Variants in KAZN observed in about 807,000 individuals in gnomAD.
KAZN encodes the protein kazrin, periplakin interacting protein.
A neutral mutation model predicts 87.4 loss-of-function variants in KAZN; 40 were observed. The ratio of observed to expected loss-of-function variants is 0.46; its 90% CI spans 0.36 to 0.60. The LOEUF (loss-of-function observed/expected upper bound fraction) is 0.60. Among genes scored for constraint, KAZN ranks in the 20% least tolerant of loss-of-function variants. The pLI is 0.00. For missense variants in KAZN, 898 were observed against 1,073.9 expected, an observed-to-expected ratio of 0.84 and a Z score of 2.29; for synonymous variants, 466 against 458.3, an observed-to-expected ratio of 1.02 and a Z score of -0.22.
chr1:13,923,026 A>T (rs1570286078), intron 1 of KAZN, among the ~76,000 whole-genome samples: 1 of 152,148 alleles, frequency 6.6e-6, no homozygotes, highest in South Asian at 2.1e-4. Context: ...GGGAAAAGTC[A>T]AGCTGGAACA....
At chr1:14,943,007 GGTGTGTGTGTGT>G (rs58102946) in intron 1 of KAZN, among the ~76,000 whole-genome samples, 1,610 of 100,840 alleles carry the variant, frequency 0.016, 22 homozygotes, top group Non-Finnish European at 0.02. Flanking sequence ...GTGTGTGTGT[GGTGTGTGTGTGT>G]GTGTGTGTGT....
intron 1 of KAZN, among the ~76,000 whole-genome samples, chr1:14,056,336 G>A (rs1001878078): frequency 1.2e-4 from 18 of 152,208 alleles, no homozygotes; most frequent in Admixed American, 3.3e-4. Flanking sequence ...CCATGATGAA[G>A]GCAGAAGGAT....
intron 2 of KAZN, among the ~76,000 whole-genome samples, chr1:15,032,414 G>C (rs140341268): frequency 6.6e-6 from 1 of 151,110 alleles, no homozygotes; most frequent in African/African-American, 2.4e-5. Context: ...GGATGGTCTC[G>C]ATCTCCTGAC....
At chr1:15,027,358 G>T (rs1671280323) in intron 2 of KAZN, among the ~76,000 whole-genome samples, 1 of 151,298 alleles carries the variant, frequency 6.6e-6, no homozygotes, top group South Asian at 2.1e-4. Flanking sequence ...GGGATGACAG[G>T]CGTGAGCCAC....
intron 1 of KAZN, among the ~76,000 whole-genome samples, chr1:14,626,233 A>T (rs532620211): frequency 6.6e-6 from 1 of 152,322 alleles, no homozygotes; most frequent in South Asian, 2.1e-4. Flanking sequence ...TCTGGCTGTC[A>T]ATCAATGACA....
At chr1:14,698,990 A>C (rs1056496499) in intron 1 of KAZN, among the ~76,000 whole-genome samples, 5 of 151,982 alleles carry the variant, frequency 3.3e-5, no homozygotes, top group African/African-American at 1.2e-4. Context: ...TTCCCAGGTG[A>C]AATGGCAAGA....
Position 15,091,623 on chromosome 1 carries a change from C to T in KAZN, c.1223-2557C>T, listed in dbSNP as rs920278993. On this transcript the variant is annotated intron_variant, in intron 8 of 14. Transcript: ENST00000376030. ...CCTCCCAAAGTGCTGGGATTACAGGCGTGAGCCACCGCACCCGGCCGTGTT... is the reference window on the plus strand; with the variant it reads ...CCTCCCAAAGTGCTGGGATTACAGGTGTGAGCCACCGCACCCGGCCGTGTT... Among the ~76,000 whole-genome samples, 49 of 152,316 alleles carry T rather than the reference C, an allele frequency of 3.2e-4. 1 individual carries two copies. The highest frequency in any genetic ancestry group is 1.7e-3 in the Admixed American group (26 of 15,306).
rs778961927 is a variant in KAZN, at chr1:14,393,672, C to A, written c.250-205311C>A. Among the ~76,000 whole-genome samples the A allele has an allele frequency of 2.6e-5, 4 of 151,898 alleles. No individual in the cohort carries two copies. In the East Asian group the frequency reaches 5.8e-4, roughly 22 times the overall value. ...GTGCTTGGATGTTTTCTTAGAAGTA[C>A]CCCAGGATTATATTGCTAGCATTGA... On this transcript the variant is annotated intron_variant, in intron 2 of 16. Coordinates refer to the KAZN transcript ENST00000636203.
intron 2 of KAZN, among the ~76,000 whole-genome samples, chr1:14,413,034 T>C (rs1421517509): frequency 2.0e-5 from 3 of 148,972 alleles, no homozygotes; most frequent in Non-Finnish European, 4.5e-5. Context: ...ATTTATATAT[T>C]ACATAGGATT....
chr1:14,139,965 GTGTGGTAT>G (rs1645199953), intron 1 of KAZN, among the ~76,000 whole-genome samples: 1 of 69,446 alleles, frequency 1.4e-5, no homozygotes, highest in African/African-American at 1.0e-4. Flanking sequence ...GTGTGTGTGT[GTGTGGTAT>G]GTATGTGTGT....
intron 1 of KAZN, among the ~76,000 whole-genome samples, chr1:14,605,172 G>T (rs1372326341): frequency 6.6e-6 from 1 of 152,206 alleles, no homozygotes; most frequent in Non-Finnish European, 1.5e-5. Context: ...CCATCTTGAA[G>T]CCTGTAGTTT....
chr1:14,539,123 C>G (rs1421447264), intron 2 of KAZN, among the ~76,000 whole-genome samples: 1 of 152,184 alleles, frequency 6.6e-6, no homozygotes, highest in Non-Finnish European at 1.5e-5. Flanking sequence ...AATGAAACTA[C>G]AACATTTTAC....
At chr1:13,920,083 C>G (rs1415036139) in intron 1 of KAZN, among the ~76,000 whole-genome samples, 1 of 151,916 alleles carries the variant, frequency 6.6e-6, no homozygotes, top group African/African-American at 2.4e-5. Flanking sequence ...AACCCCATCT[C>G]TACTAAAAAT....
intron 2 of KAZN, among the ~76,000 whole-genome samples, chr1:14,210,759 C>A (rs1646837740): frequency 7.6e-6 from 1 of 130,798 alleles, no homozygotes; most frequent in Non-Finnish European, 1.9e-5. Flanking sequence ...AAATAGCATA[C>A]TTATAAAAAT....
In KAZN at chr1:13,982,178, C is replaced by A. The variant is rs549269643; in HGVS notation, c.91+88422C>A. Among the ~76,000 whole-genome samples, 3 of 152,336 alleles carry A rather than the reference C, an allele frequency of 2.0e-5. No individual in the cohort carries two copies. The East Asian group carries it at 5.8e-4, about 29-fold the overall frequency. ...AAGGACATCCTGGGCTCTGCTCAGG[C>A]GGATCATGGACGTGTTTTCCCTTCT... On this transcript the variant is annotated intron_variant, in intron 1 of 16. Transcript: ENST00000636203.
At chr1:14,668,954 A>G (rs1290734670) in intron 1 of KAZN, among the ~76,000 whole-genome samples, 1 of 152,240 alleles carries the variant, frequency 6.6e-6, no homozygotes, top group East Asian at 1.9e-4. Flanking sequence ...AACCATGCAG[A>G]GACCCCGGAG....
intron 1 of KAZN, among the ~76,000 whole-genome samples, chr1:14,095,224 AC>A (rs1644101104): frequency 6.6e-6 from 1 of 152,206 alleles, no homozygotes; most frequent in Non-Finnish European, 1.5e-5. Flanking sequence ...GCTGAGAACC[AC>A]TGGGAGAGCC....
chr1:14,423,975 G>A (rs1191973146), intron 2 of KAZN, among the ~76,000 whole-genome samples: 1 of 152,214 alleles, frequency 6.6e-6, no homozygotes, highest in Non-Finnish European at 1.5e-5. Context: ...CAGGCAGAGA[G>A]CTGGGCACGT....
At chr1:14,605,587 TAAGAA>T (rs1471396167) in intron 1 of KAZN, among the ~76,000 whole-genome samples, 2 of 152,108 alleles carry the variant, frequency 1.3e-5, no homozygotes, top group East Asian at 3.9e-4. Context: ...AACAAAATAT[TAAGAA>T]AATCATAAGG....
Sources: gnomAD v4.1 joint callset for allele counts (sites outside exome capture counted in the v4.1 genomes callset) on GRCh38, gnomAD v4.1.1 for gene constraint, MANE v1.5 for transcripts, NCBI Gene and HGNC (gene_info 2026-07-23, HGNC 2026-07-21) for gene names.